The following PSME3IP1 variants were observed in gnomAD, a reference collection of about 807,000 sequenced individuals.
PSME3IP1 encodes the protein proteasome activator subunit 3 interacting protein 1.
PSME3IP1 carries 13 observed loss-of-function variants against 34.1 expected under a neutral mutation model. The observed-to-expected ratio is 0.38, with a 90% CI of 0.25 to 0.61. PSME3IP1 has a LOEUF of 0.61. Among genes scored for constraint, PSME3IP1 ranks in the 20% least tolerant of loss-of-function variants. The pLI, the probability that PSME3IP1 is intolerant of heterozygous loss-of-function variation, is 0.60. For synonymous variants in PSME3IP1, 93 were observed against 114.3 expected, an observed-to-expected ratio of 0.81 and a Z score of 1.19; for missense variants, 237 against 301.4, an observed-to-expected ratio of 0.79 and a Z score of 1.58.
At chr16:57,177,419 T>A (rs1307842692) in intron 1 of PSME3IP1, among the ~76,000 whole-genome samples, 2 of 150,266 alleles carry the variant, frequency 1.3e-5, no homozygotes, top group African/African-American at 4.9e-5. Flanking sequence ...ACTCCTGGAC[T>A]CAAGCAATAC....
At chr16:57,170,460 TGTC>T (rs1331776940) in intron 4 of PSME3IP1, among the ~76,000 whole-genome samples, 1 of 152,234 alleles carries the variant, frequency 6.6e-6, no homozygotes, top group Admixed American at 6.5e-5. Flanking sequence ...TACACAGTAA[TGTC>T]GTCCATCTTA....
chr16:57,172,481 A>G (rs1881366498), intron 3 of PSME3IP1, 109 bp from the exon 4 acceptor site: 2 of 1,205,828 alleles, frequency 1.7e-6, no homozygotes, highest in Non-Finnish European at 2.3e-6. Context: ...TTAAAAAAAA[A>G]AGAACTGGTA....
rs1346244729 is a variant in PSME3IP1 at position 57,185,974 on chromosome 16, G to GA, written c.-170dup. 2 of 983,044 alleles carry GA rather than the reference G, an allele frequency of 2.0e-6. No individual in the cohort carries two copies. Among genetic ancestry groups the GA allele is most frequent in the East Asian group, 1.1e-4 (1 of 8,788 alleles). The allele number at this position is 983,044 out of a possible 1,614,324, so 60.9% of individuals were successfully genotyped here. On this transcript the variant is annotated 5_prime_UTR_variant, in exon 1 of 7. Coordinates refer to ENST00000309137, the MANE Select transcript of PSME3IP1 (RefSeq NM_024946.4). ...TGAATGAAAGAAAGAAAAAAAAAAA[G>GA]AAAATAGCCTTTGCTTTTGTATTTC...
At chr16:57,167,048 G>A in intron 5 of PSME3IP1, 45 bp downstream of exon 5, 1 of 1,608,890 alleles carries the variant, frequency 6.2e-7, no homozygotes, top group Non-Finnish European at 8.5e-7. Context: ...GTGTTTCAGA[G>A]TACACGGTCA....
In PSME3IP1 at chr16:57,153,846, G is replaced by T. The variant is rs1165582149; in HGVS notation, c.*444C>A. On this transcript the variant is annotated 3_prime_UTR_variant, in exon 7 of 7. Transcript: ENST00000309137. ...TCTCTTCCCCCGCATGCTCCACAATGCAGTAGAACCAAACAACACATTCAT... is the reference window on the plus strand; with the variant it reads ...TCTCTTCCCCCGCATGCTCCACAATTCAGTAGAACCAAACAACACATTCAT... 5.9e-6 allele frequency: 1 copy of T among 169,930 alleles called. No individual in the cohort carries two copies. Among genetic ancestry groups the T allele is most frequent in the Non-Finnish European group, 1.3e-5 (1 of 78,402 alleles). 10.5% of individuals were successfully genotyped at this position (169,930 alleles called of 1,614,324 possible).
intron 4 of PSME3IP1, among the ~76,000 whole-genome samples, chr16:57,171,835 C>A (rs891068243): frequency 7.9e-5 from 12 of 152,196 alleles, no homozygotes; most frequent in African/African-American, 2.9e-4. Context: ...GTCATCTTTG[C>A]TGCTTTCTCA....
intron 2 of PSME3IP1, among the ~76,000 whole-genome samples, chr16:57,173,437 C>G (rs1224955796): frequency 3.3e-5 from 5 of 152,020 alleles, no homozygotes; most frequent in African/African-American, 1.2e-4. Flanking sequence ...TGGAACCAGC[C>G]TGGCCAACAG....
intron 1 of PSME3IP1, chr16:57,185,546 TA>T: frequency 1.0e-6 from 1 of 985,484 alleles, no homozygotes; most frequent in Non-Finnish European, 1.2e-6. Flanking sequence ...TGGCCCTACC[TA>T]GCAGAAAATT....
Position 57,168,346 on chromosome 16 carries a change from C to G in PSME3IP1, c.349-1120G>C, listed in dbSNP as rs114220291. On this transcript the variant is annotated intron_variant, in intron 4 of 6. Transcript: ENST00000309137. The stretch of plus-strand genomic sequence containing the variant: ...CTAAGATTCTAATTCTAATCACTCT[C>G]CAGGCAACTAACTCTGTTCTTATGG... 2.9e-3 allele frequency among the ~76,000 whole-genome samples: 443 copies of G among 152,292 alleles called. 3 individuals carry two copies. The highest frequency in any genetic ancestry group is 0.014 in the Middle Eastern group (4 of 294).
chr16:57,177,663 C>T (rs779560265), intron 1 of PSME3IP1, among the ~76,000 whole-genome samples: 3 of 152,166 alleles, frequency 2.0e-5, no homozygotes, highest in African/African-American at 4.8e-5. Flanking sequence ...CCTGAAAACA[C>T]AGTCACACTG....
intron 1 of PSME3IP1, among the ~76,000 whole-genome samples, chr16:57,179,621 T>C (rs1388830401): frequency 1.3e-5 from 2 of 152,222 alleles, no homozygotes; most frequent in African/African-American, 2.4e-5. Flanking sequence ...CCTATGGAAT[T>C]GAATTATGTG....
intron 6 of PSME3IP1, among the ~76,000 whole-genome samples, chr16:57,156,747 A>G (rs1203691742): frequency 1.3e-5 from 2 of 152,368 alleles, no homozygotes; most frequent in South Asian, 4.1e-4. Context: ...AGTGAATGGA[A>G]AACATGAACA....
intron 6 of PSME3IP1, among the ~76,000 whole-genome samples, chr16:57,159,146 G>C (rs566708372): frequency 6.6e-6 from 1 of 152,364 alleles, no homozygotes; most frequent in East Asian, 1.9e-4. Flanking sequence ...CGGAAGAATG[G>C]AAGTTAGCTA....
intron 1 of PSME3IP1, among the ~76,000 whole-genome samples, chr16:57,180,077 T>C (rs562774111): frequency 1.3e-5 from 2 of 152,186 alleles, no homozygotes; most frequent in Non-Finnish European, 2.9e-5. Context: ...CTAGGCAAAG[T>C]GAAGTCAATC....
At position 57,172,207 on chromosome 16, in the gene PSME3IP1, GA is replaced by G. The variant is rs546949092; in HGVS notation, c.348+43del. 2.0e-4 allele frequency: 314 copies of G among 1,606,204 alleles called. No homozygotes were observed. The South Asian group carries it at 3.1e-3, about 16-fold the overall frequency. On this transcript the variant is annotated intron_variant, in intron 4 of 6. Coordinates refer to ENST00000309137, the MANE Select transcript of PSME3IP1 (RefSeq NM_024946.4). The stretch of plus-strand genomic sequence containing the variant: ...AGACAACATCCATAGATGCTGATGA[GA>G]AAATGGACACCTTACAGGTTTTCCT...
intron 1 of PSME3IP1, among the ~76,000 whole-genome samples, chr16:57,182,043 A>C (rs1198746745): frequency 3.3e-5 from 5 of 152,140 alleles, no homozygotes; most frequent in African/African-American, 1.2e-4. Context: ...ACATTGGTTG[A>C]AGGTCCCAAC....
chr16:57,164,558 G>A (rs906744285), intron 5 of PSME3IP1, among the ~76,000 whole-genome samples: 2 of 152,156 alleles, frequency 1.3e-5, no homozygotes, highest in Admixed American at 6.5e-5. Context: ...AAGGGGTGGT[G>A]AACAAATAAA....
chr16:57,177,096 C>T (rs922292580), intron 1 of PSME3IP1, among the ~76,000 whole-genome samples: 25 of 151,772 alleles, frequency 1.6e-4, no homozygotes, highest in African/African-American at 5.1e-4. Flanking sequence ...CTCAGGTGAT[C>T]CACCGGCCTT....
In PSME3IP1 at chr16:57,174,658, A is replaced by C. The variant is rs1010043716; in HGVS notation, c.-15-789T>G. ...CAAGTAGATTAAGATGGAGAATCTCAGCTATTGAAGACTTAGTGTTCAAGT... is the reference window on the plus strand; with the variant it reads ...CAAGTAGATTAAGATGGAGAATCTCCGCTATTGAAGACTTAGTGTTCAAGT... On this transcript the variant is annotated intron_variant, in intron 1 of 6. Transcript: ENST00000309137. The C allele has an allele frequency of 6.1e-6, 6 of 985,318 alleles. No homozygotes were observed. The African/African-American group carries it at 1.0e-4, about 17-fold the overall frequency. The allele number at this position is 985,318 out of a possible 1,614,324, so 61.0% of individuals were successfully genotyped here. A position where few individuals can be genotyped will look rare whatever the true frequency, so the allele number is the denominator to read the frequency against.
Sources: gnomAD v4.1 joint callset for allele counts (sites outside exome capture counted in the v4.1 genomes callset) on GRCh38, gnomAD v4.1.1 for gene constraint, MANE v1.5 for transcripts, NCBI Gene and HGNC (gene_info 2026-07-23, HGNC 2026-07-21) for gene names.